The following TBC1D9 variants were observed in gnomAD, a reference collection of about 807,000 sequenced individuals.
The protein encoded by TBC1D9 is TBC1 domain family member 9A.
Under a neutral mutation model 132.0 loss-of-function variants are expected in TBC1D9, and 63 were observed. That is an observed-to-expected ratio of 0.48 (90% CI 0.39 to 0.59). The LOEUF (loss-of-function observed/expected upper bound fraction) is 0.59, where lower values mean the gene tolerates loss of function less well. Ranked by LOEUF, TBC1D9 falls within the 20% of genes least tolerant of loss-of-function variation. TBC1D9 has a pLI of 0.00. For synonymous variants in TBC1D9, 610 were observed against 609.9 expected (o/e 1.00, Z 0.00); for missense variants, 1,261 against 1,592.7 (o/e 0.79, Z 3.54).
rs746789741 is a variant in TBC1D9 at position 140,624,328 on chromosome 4, A to T, written c.2960T>A (p.Leu987Gln). Residue 987 changes from leucine to glutamine, a missense_variant, in exon 19 of 21, where the codon CTA becomes CAA. Physicochemically the swap from Leu to Gln is moderately radical, Grantham distance 113. This residue lies in a region of TBC1D9 where 618 missense variants were observed against 724.4 expected (regional missense o/e 0.85). Coordinates refer to ENST00000442267, the MANE Select transcript of TBC1D9 (RefSeq NM_015130.3). ...AATATCCTTACCTTTGTCTGGCTTT[A>T]GGCTCACCGTAACAAAGCCATCATC... ...GADDGFVTVSLKPDKGKRANS... is the reference protein window; with the variant it reads ...GADDGFVTVSQKPDKGKRANS... The T allele has an allele frequency of 1.2e-6, 2 of 1,613,832 alleles. No individual in the cohort carries two copies. Among genetic ancestry groups the T allele is most frequent in the Non-Finnish European group, 1.7e-6 (2 of 1,179,800 alleles).
intron 1 of TBC1D9, among the ~76,000 whole-genome samples, chr4:140,733,931 C>A (rs1738636564): frequency 6.6e-6 from 1 of 151,840 alleles, no homozygotes; most frequent in African/African-American, 2.4e-5. Context: ...CTCCTTCTCT[C>A]CTCCGCTCTT....
At chr4:140,631,367 C>T (rs536330432) in intron 16 of TBC1D9, among the ~76,000 whole-genome samples, 5 of 151,482 alleles carry the variant, frequency 3.3e-5, no homozygotes, top group East Asian at 2.0e-4. Context: ...GGACTACAGG[C>T]GCCCACCAGT....
At chr4:140,654,267 G>A (rs1440785636) in intron 13 of TBC1D9, among the ~76,000 whole-genome samples, 1 of 152,134 alleles carries the variant, frequency 6.6e-6, no homozygotes, top group African/African-American at 2.4e-5. Flanking sequence ...ATCCCGGTTG[G>A]CTAAACATTT....
chr4:140,681,295 G>A (rs975598140), intron 3 of TBC1D9, among the ~76,000 whole-genome samples: 1 of 152,102 alleles, frequency 6.6e-6, no homozygotes, highest in African/African-American at 2.4e-5. Context: ...TCTCTTGTGA[G>A]CCTTTTCTCA....
chr4:140,713,314 G>T (rs1215558049), intron 1 of TBC1D9, among the ~76,000 whole-genome samples: 1 of 152,086 alleles, frequency 6.6e-6, no homozygotes, highest in Non-Finnish European at 1.5e-5. Context: ...AAAGAAAAAA[G>T]CCCAGGAGAC....
At chr4:140,643,243 C>T (rs1737038575) in intron 13 of TBC1D9, 3 of 1,314,114 alleles carry the variant, frequency 2.3e-6, no homozygotes, top group South Asian at 1.3e-5. Flanking sequence ...CTCCTCCTCT[C>T]CAGCTCCAGC....
chr4:140,710,518 G>A (rs905575620), intron 1 of TBC1D9, among the ~76,000 whole-genome samples: 7 of 152,116 alleles, frequency 4.6e-5, no homozygotes, highest in African/African-American at 1.7e-4. Context: ...ACACAGGCTG[G>A]GTTATGACTA....
chr4:140,723,593 C>G (rs1352676201), intron 1 of TBC1D9, among the ~76,000 whole-genome samples: 1 of 152,170 alleles, frequency 6.6e-6, no homozygotes, highest in Non-Finnish European at 1.5e-5. Context: ...CTCAGCCTCC[C>G]AAAGTGCTGG....
intron 9 of TBC1D9, among the ~76,000 whole-genome samples, chr4:140,662,668 G>A (rs1737381891): frequency 6.6e-6 from 1 of 152,150 alleles, no homozygotes; most frequent in African/African-American, 2.4e-5. Context: ...CCTAACAGTG[G>A]TGAGTCATCA....
chr4:140,668,081 G>C (rs1255830951), intron 9 of TBC1D9, among the ~76,000 whole-genome samples: 1 of 152,198 alleles, frequency 6.6e-6, no homozygotes, highest in Non-Finnish European at 1.5e-5. Flanking sequence ...TCCAGATAGA[G>C]CAACTAATTT....
intron 1 of TBC1D9, among the ~76,000 whole-genome samples, chr4:140,714,972 A>ATCC (rs1738307571): frequency 6.6e-6 from 1 of 152,134 alleles, no homozygotes; most frequent in Non-Finnish European, 1.5e-5. Flanking sequence ...AAATTTAAAA[A>ATCC]TTAGCCAGGT....
intron 17 of TBC1D9, 126 bp from the exon 18 acceptor site, chr4:140,627,653 C>T (rs1578812710): frequency 1.6e-6 from 1 of 642,270 alleles, no homozygotes; most frequent in East Asian, 2.8e-5. Flanking sequence ...TGGGATGGGG[C>T]CTTGAGTGCC....
intron 1 of TBC1D9, among the ~76,000 whole-genome samples, chr4:140,727,667 TAC>T (rs1738521645): frequency 6.6e-6 from 1 of 152,226 alleles, no homozygotes; most frequent in Admixed American, 6.5e-5. Context: ...TCTTGCTGAA[TAC>T]AGTCTCTTAA....
At chr4:140,724,335 C>T (rs1738466705) in intron 1 of TBC1D9, among the ~76,000 whole-genome samples, 6 of 152,102 alleles carry the variant, frequency 3.9e-5, no homozygotes, top group African/African-American at 7.2e-5. Flanking sequence ...TAGCTTTGTC[C>T]AGCACCAGCT....
intron 2 of TBC1D9, among the ~76,000 whole-genome samples, chr4:140,693,246 A>G (rs1033781601): frequency 3.9e-5 from 6 of 152,304 alleles, no homozygotes; most frequent in Non-Finnish European, 7.4e-5. Flanking sequence ...TTACAGGCAC[A>G]AGCCACTGCA....
intron 1 of TBC1D9, among the ~76,000 whole-genome samples, chr4:140,721,515 G>T (rs952043156): frequency 2.6e-5 from 4 of 152,156 alleles, no homozygotes; most frequent in African/African-American, 9.7e-5. Context: ...CGATGCATCA[G>T]CTTCTAGGAT....
chr4:140,682,664 C>T (rs1319257573), intron 3 of TBC1D9, among the ~76,000 whole-genome samples: 2 of 152,156 alleles, frequency 1.3e-5, no homozygotes, highest in African/African-American at 2.4e-5. Flanking sequence ...CAGAAAGCAG[C>T]AGCTGGGCCT....
chr4:140,634,783 G>A (rs2110971862), intron 15 of TBC1D9, among the ~76,000 whole-genome samples: 1 of 152,270 alleles, frequency 6.6e-6, no homozygotes, highest in Admixed American at 6.5e-5. Context: ...CAGTCACACA[G>A]TATTCAACCT....
At chr4:140,709,225 C>T (rs1026608091) in intron 1 of TBC1D9, among the ~76,000 whole-genome samples, 14 of 94,724 alleles carry the variant, frequency 1.5e-4, no homozygotes, top group Non-Finnish European at 2.8e-4. Flanking sequence ...CCTTATCTCT[C>T]TCTCTCTCTC....
Sources: gnomAD v4.1 joint callset for allele counts (sites outside exome capture counted in the v4.1 genomes callset) on GRCh38, gnomAD v4.1.1 for gene constraint, gnomAD v4.1.1 regional missense constraint, MANE v1.5 for transcripts, NCBI Gene and HGNC (gene_info 2026-07-23, HGNC 2026-07-21) for gene names.